RNLS: variants seen among roughly 807,000 people sequenced by gnomAD.
RNLS encodes the protein renalase, FAD dependent amine oxidase.
In RNLS, 39 loss-of-function variants were observed where a neutral mutation model predicts 39.8. The observed-to-expected ratio is 0.98, with a 90% CI of 0.76 to 1.28. The LOEUF (loss-of-function observed/expected upper bound fraction) is 1.28. RNLS is among the 50% of genes most tolerant of loss of function. The pLI is 0.00. For synonymous variants in RNLS, 147 were observed against 150.7 expected (o/e 0.98, Z 0.18); for missense variants, 410 against 413.3 (o/e 0.99, Z 0.07).
chr10:88,334,011 G>A (rs187045118), intron 5 of RNLS, among the ~76,000 whole-genome samples: 1 of 152,246 alleles, frequency 6.6e-6, no homozygotes, highest in South Asian at 2.1e-4. Context: ...CCTGTCTAAG[G>A]TATTTTGTTA....
intron 6 of RNLS, among the ~76,000 whole-genome samples, chr10:88,308,449 A>AAC (rs1554853883): frequency 2.0e-5 from 3 of 151,896 alleles, no homozygotes; most frequent in Admixed American, 6.6e-5. Flanking sequence ...AATAAAAAAA[A>AAC]AACCCCATTA....
At chr10:88,272,861 G>A (rs894589011), downstream of RNLS, among the ~76,000 whole-genome samples, 1 of 152,150 alleles carries the variant, frequency 6.6e-6, no homozygotes, top group South Asian at 2.1e-4. Context: ...ATTCTCAGGT[G>A]TAGAAACTTT....
intron 6 of RNLS, among the ~76,000 whole-genome samples, chr10:88,302,322 A>G (rs955101034): frequency 3.3e-5 from 5 of 152,254 alleles, no homozygotes; most frequent in African/African-American, 1.2e-4. Flanking sequence ...GAAAAGAACT[A>G]CGAAACAAAA....
At chr10:88,416,790 A>G (rs1854057774) in intron 4 of RNLS, among the ~76,000 whole-genome samples, 1 of 152,180 alleles carries the variant, frequency 6.6e-6, no homozygotes, top group South Asian at 2.1e-4. Flanking sequence ...TGGCAATTTT[A>G]CAAATATCCT....
At chr10:88,340,590 C>CA (rs1847855720) in intron 5 of RNLS, among the ~76,000 whole-genome samples, 1 of 152,056 alleles carries the variant, frequency 6.6e-6, no homozygotes, top group South Asian at 2.1e-4. Context: ...TTTTATGATA[C>CA]TACCTCTTCA....
intron 4 of RNLS, among the ~76,000 whole-genome samples, chr10:88,414,669 A>G (rs529525880): frequency 6.6e-6 from 1 of 152,360 alleles, no homozygotes; most frequent in African/African-American, 2.4e-5. Flanking sequence ...TCTTATTTGA[A>G]TAATATATAA....
At chr10:88,532,616 C>T (rs1292958212) in intron 4 of RNLS, among the ~76,000 whole-genome samples, 5 of 151,988 alleles carry the variant, frequency 3.3e-5, no homozygotes, top group African/African-American at 7.2e-5. Flanking sequence ...AGAAACTTAA[C>T]ACTTGGTAGA....
the RNLS span, among the ~76,000 whole-genome samples, chr10:88,251,850 G>C: frequency 6.6e-6 from 1 of 152,160 alleles, no homozygotes. Context: ...TGTTGAATCT[G>C]AGGCCCAGGT....
At chr10:88,282,325 G>A (rs1036413711), downstream of RNLS, among the ~76,000 whole-genome samples, 22 of 152,028 alleles carry the variant, frequency 1.4e-4, no homozygotes, top group African/African-American at 4.6e-4. Context: ...AATAGAAACG[G>A]GTCATGAGGG....
chr10:88,221,486 A>G, the RNLS span, among the ~76,000 whole-genome samples: 2 of 152,342 alleles, frequency 1.3e-5, no homozygotes, highest in African/African-American at 2.4e-5. Context: ...AAATATTCCA[A>G]TGAATGGAGT....
intron 4 of RNLS, among the ~76,000 whole-genome samples, chr10:88,454,969 G>A (rs905772367): frequency 6.6e-6 from 1 of 152,038 alleles, no homozygotes; most frequent in African/African-American, 2.4e-5. Context: ...TTATCTGTCA[G>A]GCAGATAACA....
intron 4 of RNLS, among the ~76,000 whole-genome samples, chr10:88,540,165 C>A (rs566653090): frequency 1.3e-5 from 2 of 152,208 alleles, no homozygotes; most frequent in South Asian, 4.1e-4. Flanking sequence ...CAATATGCTA[C>A]GCTATCATGC....
the RNLS span, among the ~76,000 whole-genome samples, chr10:88,179,198 G>A: frequency 6.6e-6 from 1 of 152,168 alleles, no homozygotes; most frequent in East Asian, 1.9e-4. Flanking sequence ...GATTGAGGGT[G>A]GTGGTGTAAT....
chr10:88,382,293 T>C (rs569075585), intron 4 of RNLS, among the ~76,000 whole-genome samples: 16 of 152,240 alleles, frequency 1.1e-4, no homozygotes, highest in African/African-American at 3.6e-4. Flanking sequence ...TGGCAAAGCA[T>C]TGTGTCTATT....
the RNLS span, among the ~76,000 whole-genome samples, chr10:88,267,169 T>C: frequency 6.6e-6 from 1 of 152,172 alleles, no homozygotes; most frequent in Non-Finnish European, 1.5e-5. Flanking sequence ...TAATACACCA[T>C]AAATTCTAGT....
chr10:88,193,509 T>C, the RNLS span, among the ~76,000 whole-genome samples: 1 of 152,180 alleles, frequency 6.6e-6, no homozygotes, highest in South Asian at 2.1e-4. Flanking sequence ...TGTACATTTC[T>C]GCCTCTGAAT....
the RNLS span, among the ~76,000 whole-genome samples, chr10:88,205,730 T>C: frequency 6.6e-6 from 1 of 152,130 alleles, no homozygotes; most frequent in East Asian, 1.9e-4. Context: ...TACATTTCCT[T>C]TTAAAAAATC....
At chr10:88,463,449 T>C (rs1843039312) in intron 4 of RNLS, among the ~76,000 whole-genome samples, 2 of 152,072 alleles carry the variant, frequency 1.3e-5, no homozygotes, top group Admixed American at 6.6e-5. Flanking sequence ...TGAAGACTTC[T>C]AGCCTGCAGA....
At chr10:88,578,048 T>C (rs1029922103) in intron 3 of RNLS, among the ~76,000 whole-genome samples, 1 of 152,186 alleles carries the variant, frequency 6.6e-6, no homozygotes, top group African/African-American at 2.4e-5. Context: ...AGTTGGCAAT[T>C]TGATTTCTTA....
Sources: allele counts gnomAD v4.1 joint callset (sites outside exome capture counted in the v4.1 genomes callset), GRCh38; gene constraint gnomAD v4.1.1; transcripts MANE v1.5; gene names NCBI Gene and HGNC (gene_info 2026-07-23, HGNC 2026-07-21).